Variants in SLITRK4 observed in about 807,000 individuals in gnomAD.
The protein encoded by SLITRK4 is SLIT and NTRK like family member 4.
Under a neutral mutation model 34.7 loss-of-function variants are expected in SLITRK4, and 7 were observed. The observed-to-expected ratio is 0.20, with a 90% CI of 0.11 to 0.38. SLITRK4 has a LOEUF of 0.38. Among genes scored for constraint, SLITRK4 ranks in the 10% least tolerant of loss-of-function variants. The probability of loss-of-function intolerance (pLI) is 1.00; values close to 1 mark genes in which losing one functional copy is unlikely to be tolerated. For missense variants in SLITRK4, 474 were observed against 607.0 expected (o/e 0.78, Z 2.30); for synonymous variants, 237 against 246.2 (o/e 0.96, Z 0.35).
At chrX:143,634,966 A>T (rs1298237027) in intron 1 of SLITRK4, 1 of 107,827 alleles carries the variant, frequency 9.3e-6, no homozygotes, top group Admixed American at 9.7e-5. Context: ...TTCCGGACAG[A>T]GCTCCTCCGC....
chrX:143,626,076 C>G lies in SLITRK4; in HGVS notation c.*2519G>C, dbSNP rs1190783130. The G allele has an allele frequency of 9.0e-6, 1 of 111,236 alleles. No homozygotes were observed. The highest frequency in any genetic ancestry group is 1.9e-5 in the Non-Finnish European group (1 of 52,759). 9.2% of individuals were successfully genotyped at this position (111,236 alleles called of 1,213,427 possible). Reference sequence around the variant, plus strand: ...TGAATAAAAGTATCATTCAAATGACCTATTATCCCCAGACCATGAATGGAA... The same window carrying G: ...TGAATAAAAGTATCATTCAAATGACGTATTATCCCCAGACCATGAATGGAA... On this transcript the variant is annotated 3_prime_UTR_variant, in exon 2 of 2. Coordinates refer to ENST00000356928, the MANE Select transcript of SLITRK4 (RefSeq NM_001184749.3).
chrX:143,629,224 T>C lies in SLITRK4; in HGVS notation c.1885A>G (p.Ile629Val). 1 of 1,211,687 alleles carries C rather than the reference T, an allele frequency of 8.3e-7. No individual in the cohort carries two copies. Among genetic ancestry groups the C allele is most frequent in the Non-Finnish European group, 1.1e-6 (1 of 895,536 alleles). ...CAAAAAGCAACAAACACCGTTAAAATGAGGACCACTAAGATACTTAAGATT... is the reference window on the plus strand; with the variant it reads ...CAAAAAGCAACAAACACCGTTAAAACGAGGACCACTAAGATACTTAAGATT... ...ILILSILVVL[I>V]LTVFVAFCLL... The change falls in exon 2 of 2, where the codon ATT (isoleucine) becomes GTT (valine). Residue 629 changes from isoleucine (I) to valine (V), a missense_variant. This residue lies in a region of SLITRK4 where 345 missense variants were observed against 406.5 expected (regional missense o/e 0.85). Transcript: ENST00000356928.
Position 143,630,935 on chromosome X carries a change from C to A in SLITRK4, c.174G>T (p.Trp58Cys), listed in dbSNP as rs1556428278. The A allele has an allele frequency of 8.3e-7, 1 of 1,207,748 alleles. No homozygotes were observed. The stretch of plus-strand genomic sequence containing the variant: ...GGAAATTGAGGTGATAAAAATTAGA[C>A]CAAGGTGGTTTCAGCTGATTTGGTC... ...VYRPNQLKPPWSNFYHLNFQN... is the reference protein window; with the variant it reads ...VYRPNQLKPPCSNFYHLNFQN... Residue 58 changes from tryptophan to cysteine, a missense_variant, in exon 2 of 2, where the codon TGG (tryptophan) becomes TGT (cysteine). Coordinates refer to ENST00000356928, the MANE Select transcript of SLITRK4 (RefSeq NM_001184749.3).
At chrX:143,631,313 T>A (rs1029198397) in intron 1 of SLITRK4, among the ~76,000 whole-genome samples, 155 bp from the exon 2 acceptor site, 19 of 112,206 alleles carry the variant, frequency 1.7e-4, no homozygotes, top group African/African-American at 6.1e-4. Context: ...CGAACAATAA[T>A]AACCACTAAA....
In SLITRK4 at chrX:143,630,933, G is replaced by A; in HGVS notation, c.176C>T (p.Ser59Phe). ...YRPNQLKPPW[S>F]NFYHLNFQNN... ...TTGGAAATTGAGGTGATAAAAATTA[G>A]ACCAAGGTGGTTTCAGCTGATTTGG... Residue 59 changes from serine (S) to phenylalanine (F), a missense_variant, in exon 2 of 2, where the codon TCT becomes TTT. By Grantham distance (155) the Ser-to-Phe change is radical. Coordinates refer to ENST00000356928, the MANE Select transcript of SLITRK4 (RefSeq NM_001184749.3). The A allele has an allele frequency of 8.3e-7, 1 of 1,207,865 alleles. No individual in the cohort carries two copies. The highest frequency in any genetic ancestry group is 1.1e-6 in the Non-Finnish European group (1 of 894,355).
rs1556425310 is a variant in SLITRK4 at position 143,625,533 on chromosome X, G to A, written c.*3062C>T. On this transcript the variant is annotated 3_prime_UTR_variant, in exon 2 of 2. Transcript: ENST00000356928. Reference sequence around the variant, plus strand: ...ATGACTATAGTGCCAAGAAGCCCATGATGTGTCAGCCCACATTAGAAATGA... The same window carrying A: ...ATGACTATAGTGCCAAGAAGCCCATAATGTGTCAGCCCACATTAGAAATGA... 9.0e-6 allele frequency: 1 copy of A among 111,379 alleles called. No homozygotes were observed. The highest frequency in any genetic ancestry group is 1.9e-5 in the Non-Finnish European group (1 of 52,784). The allele number at this position is 111,379 out of a possible 1,213,427, so 9.2% of individuals were successfully genotyped here.
chrX:143,623,986 A>G lies in SLITRK4; in HGVS notation c.*4609T>C, dbSNP rs1930705840. 8.9e-6 allele frequency: 1 copy of G among 111,999 alleles called. No individual in the cohort carries two copies. Among genetic ancestry groups the G allele is most frequent in the Non-Finnish European group, 1.9e-5 (1 of 53,018 alleles). 9.2% of individuals were successfully genotyped at this position (111,999 alleles called of 1,213,427 possible). ...AGATGCATAAGGCATTTAGTCTAAA[A>G]GTACTTGCATATGCTATCTATACTG... On this transcript the variant is annotated 3_prime_UTR_variant, in exon 2 of 2. Coordinates refer to ENST00000356928, the MANE Select transcript of SLITRK4 (RefSeq NM_001184749.3).
chrX:143,627,316 C>G lies in SLITRK4; in HGVS notation c.*1279G>C, dbSNP rs1930825754. The G allele has an allele frequency of 9.1e-6, 1 of 109,831 alleles. No individual in the cohort carries two copies. The highest frequency in any genetic ancestry group is 1.9e-5 in the Non-Finnish European group (1 of 52,600). The allele number at this position is 109,831 out of a possible 1,213,427, so 9.1% of individuals were successfully genotyped here. A position where few individuals can be genotyped will look rare whatever the true frequency, so the allele number is the denominator to read the frequency against. On this transcript the variant is annotated 3_prime_UTR_variant, in exon 2 of 2. Transcript: ENST00000356928. ...ACTATTTGAATTAAGCTCATAGAAT[C>G]CTGAAAAGCAAGACAACCGATGGCA... is the stretch of plus-strand genomic sequence containing the variant.
In SLITRK4 at chrX:143,629,379, T is replaced by G. The variant is rs782175165; in HGVS notation, c.1730A>C (p.Glu577Ala). Residue 577 changes from glutamate (E) to alanine (A), a missense_variant, in exon 2 of 2, where the codon GAA (glutamate) becomes GCA (alanine). Physicochemically the swap from Glu to Ala is moderately radical, Grantham distance 107 (BLOSUM62 -1). Around this residue, in one of 3 missense-constraint regions of SLITRK4, gnomAD observed 345 missense variants for 406.5 expected, o/e 0.85. Coordinates refer to ENST00000356928, the MANE Select transcript of SLITRK4 (RefSeq NM_001184749.3). ...ATTTAAAAGTTTGGGACATAAGATTTCATTTTTGAGGGACTTCAGTTCAAT... is the reference window on the plus strand; with the variant it reads ...ATTTAAAAGTTTGGGACATAAGATTGCATTTTTGAGGGACTTCAGTTCAAT... The part of the protein sequence containing the change: ...ANIELKSLKN[E>A]ILCPKLLNKP... The G allele has an allele frequency of 1.7e-6, 2 of 1,211,579 alleles. No homozygotes were observed. The highest frequency in any genetic ancestry group is 2.2e-6 in the Non-Finnish European group (2 of 895,525).
intron 1 of SLITRK4, among the ~76,000 whole-genome samples, chrX:143,632,377 C>A (rs781805188): frequency 9.0e-6 from 1 of 111,494 alleles, no homozygotes; most frequent in East Asian, 2.8e-4. Flanking sequence ...TGCATATATA[C>A]ACAAACATAC....
intron 1 of SLITRK4, 76 bp from the exon 2 acceptor site, chrX:143,631,234 G>C: frequency 2.0e-6 from 1 of 512,555 alleles, no homozygotes; most frequent in Non-Finnish European, 3.0e-6. Flanking sequence ...ATACCATAGT[G>C]AACACATGGC....
In SLITRK4 at chrX:143,629,622, G is replaced by T; in HGVS notation, c.1487C>A (p.Ala496Glu). ...CCTCAGGTTCAGTCTAGCTAAGGGT[G>T]CTCCGGAAAAGATGTAAACAGGCAG... Reference protein sequence around the residue: ...KSLPVYIFSGAPLARLNLRNN... With the variant: ...KSLPVYIFSGEPLARLNLRNN... Residue 496 changes from alanine to glutamate, a missense_variant, in exon 2 of 2, where the codon GCA (alanine) becomes GAA (glutamate). Physicochemically the swap from Ala to Glu is moderately radical, Grantham distance 107. Transcript: ENST00000356928. 2 of 1,211,608 alleles carry T rather than the reference G, an allele frequency of 1.7e-6. No homozygotes were observed. Among genetic ancestry groups the T allele is most frequent in the Non-Finnish European group, 2.2e-6 (2 of 895,523 alleles).
rs1556427061 is a variant in SLITRK4, at chrX:143,629,855, T to C, written c.1254A>G (p.Gly418=). The C allele has an allele frequency of 8.3e-7, 1 of 1,209,910 alleles. No individual in the cohort carries two copies. The highest frequency in any genetic ancestry group is 1.1e-6 in the Non-Finnish European group (1 of 894,204). The change falls in exon 2 of 2, where the codon GGA becomes GGG. Residue 418 remains glycine (G), a synonymous_variant. Transcript: ENST00000356928. ...AATTAGTGAGATTGTGAAATACGTC[T>C]CCCTTAATCACTGTAATTTGATTGC... is the stretch of plus-strand genomic sequence containing the variant. ...LGSNQITVIK[G]DVFHNLTNLR...
chrX:143,628,544 G>T lies in SLITRK4; in HGVS notation c.*51C>A. On this transcript the variant is annotated 3_prime_UTR_variant, in exon 2 of 2. Coordinates refer to ENST00000356928, the MANE Select transcript of SLITRK4 (RefSeq NM_001184749.3). ...TTTGGAAGTTAGAAGTCAACAAAAG[G>T]CACTTTCATCATTAAATAAATGTCC... The T allele has an allele frequency of 9.8e-7, 1 of 1,022,019 alleles. No individual in the cohort carries two copies. Among genetic ancestry groups the T allele is most frequent in the Non-Finnish European group, 1.3e-6 (1 of 756,924 alleles). 84.2% of individuals were successfully genotyped at this position (1,022,019 alleles called of 1,213,427 possible).
chrX:143,634,078 G>C (rs1931145075), intron 1 of SLITRK4, among the ~76,000 whole-genome samples: 1 of 112,523 alleles, frequency 8.9e-6, no homozygotes, highest in African/African-American at 3.2e-5. Flanking sequence ...AGGAGGAAGA[G>C]AGGCCAGATC....
At chrX:143,634,029 T>G (rs1556430153) in intron 1 of SLITRK4, among the ~76,000 whole-genome samples, 1 of 111,526 alleles carries the variant, frequency 9.0e-6, no homozygotes, top group African/African-American at 3.3e-5. Flanking sequence ...GCTGCCGGAG[T>G]TTCAGTGGAC....
chrX:143,631,304 G>A (rs1210274196), intron 1 of SLITRK4, 146 bp from the exon 2 acceptor site: 4 of 367,838 alleles, frequency 1.1e-5, no homozygotes, highest in South Asian at 8.3e-5. Context: ...TCACTCAGTC[G>A]AACAATAATA....
chrX:143,623,996 T>C lies in SLITRK4; in HGVS notation c.*4599A>G, dbSNP rs782756775. The stretch of plus-strand genomic sequence containing the variant: ...GGCATTTAGTCTAAAAGTACTTGCA[T>C]ATGCTATCTATACTGTTCACACCTT... On this transcript the variant is annotated 3_prime_UTR_variant, in exon 2 of 2. Transcript: ENST00000356928. 8.9e-6 allele frequency: 1 copy of C among 112,091 alleles called. No individual in the cohort carries two copies. The highest frequency in any genetic ancestry group is 3.2e-5 in the African/African-American group (1 of 30,892). The allele number at this position is 112,091 out of a possible 1,213,427, so 9.2% of individuals were successfully genotyped here.
At chrX:143,632,319 A>C (rs1417058035) in intron 1 of SLITRK4, among the ~76,000 whole-genome samples, 2 of 111,813 alleles carry the variant, frequency 1.8e-5, no homozygotes, top group African/African-American at 6.5e-5. Context: ...TTGTTGGTAG[A>C]GTTTAATGCT....
Sources: gnomAD v4.1 joint callset for allele counts (sites outside exome capture counted in the v4.1 genomes callset) on GRCh38, gnomAD v4.1.1 for gene constraint, gnomAD v4.1.1 regional missense constraint, MANE v1.5 for transcripts, NCBI Gene and HGNC (gene_info 2026-07-23, HGNC 2026-07-21) for gene names.